GAS2: variants seen among roughly 807,000 people sequenced by gnomAD.
GAS2 encodes growth arrest-specific protein 2.
GAS2 carries 20 observed loss-of-function variants against 37.5 expected under a neutral mutation model. The observed-to-expected ratio is 0.53, with a 90% CI of 0.37 to 0.77. The LOEUF is 0.77. GAS2 is among the 30% of genes least tolerant of loss of function. GAS2 has a pLI of 0.00. For synonymous variants in GAS2, 144 were observed against 132.2 expected, an observed-to-expected ratio of 1.09 and a Z score of -0.61; for missense variants, 336 against 373.4, an observed-to-expected ratio of 0.90 and a Z score of 0.82.
In GAS2 at chr11:22,677,882, T is replaced by C. The variant is rs551760709; in HGVS notation, c.145+2868T>C. ...TTTTCCAGATCCAAAAGTCTGAGTT[T>C]TAGGAAATCCATCTCTTGAAACCCA... is the stretch of plus-strand genomic sequence containing the variant. On this transcript the variant is annotated intron_variant, in intron 2 of 7. Transcript: ENST00000454584. Among the ~76,000 whole-genome samples the C allele has an allele frequency of 1.3e-3, 193 of 152,298 alleles. 1 individual carries two copies. The highest frequency in any genetic ancestry group is 1.5e-3 in the South Asian group (7 of 4,824).
chr11:22,784,109 A>G (rs1239440094), intron 7 of GAS2, among the ~76,000 whole-genome samples: 1 of 152,010 alleles, frequency 6.6e-6, no homozygotes, highest in Non-Finnish European at 1.5e-5. Flanking sequence ...TTTGCTTAGG[A>G]TTGCTTTGGC....
intron 7 of GAS2, among the ~76,000 whole-genome samples, chr11:22,761,554 CA>C (rs1854393568): frequency 6.6e-6 from 1 of 152,068 alleles, no homozygotes; most frequent in South Asian, 2.1e-4. Context: ...TAGGGTTGTT[CA>C]AAGTGTGTTC....
chr11:22,678,636 A>AT (rs1849544088), intron 2 of GAS2, among the ~76,000 whole-genome samples: 2 of 151,802 alleles, frequency 1.3e-5, no homozygotes, highest in South Asian at 2.1e-4. Flanking sequence ...CTAAAATGTA[A>AT]TTTTTTTCCT....
At chr11:22,738,007 A>G (rs1041756343) in intron 5 of GAS2, among the ~76,000 whole-genome samples, 1 of 152,216 alleles carries the variant, frequency 6.6e-6, no homozygotes, top group Non-Finnish European at 1.5e-5. Context: ...TGCTAATAAA[A>G]TACATTTTCC....
At position 22,652,629 on chromosome 11, in the gene GAS2, T is replaced by C. The variant is rs117622646; in HGVS notation, c.-20-22221T>C. Among the ~76,000 whole-genome samples the C allele has an allele frequency of 3.8e-3, 576 of 152,328 alleles. 16 individuals carry two copies. The East Asian group carries it at 0.077, about 20-fold the overall frequency. ...TGGGGGATATAATCTCCCGGTGTGC[T>C]GTGTTTTAAGCCCGTGGGAAAAGCG... On this transcript the variant is annotated intron_variant, in intron 1 of 5. Coordinates refer to the GAS2 transcript ENST00000528582.
intron 1 of GAS2, among the ~76,000 whole-genome samples, chr11:22,658,635 A>T (rs528821114): frequency 1.3e-5 from 2 of 152,360 alleles, no homozygotes; most frequent in East Asian, 3.9e-4. Flanking sequence ...ATAAAATCTA[A>T]ATCATAATTT....
At chr11:22,683,044 G>A (rs1222706899) in intron 2 of GAS2, among the ~76,000 whole-genome samples, 1 of 152,010 alleles carries the variant, frequency 6.6e-6, no homozygotes, top group Non-Finnish European at 1.5e-5. Flanking sequence ...GGCTACCTGT[G>A]TGGTGAGTAT....
chr11:22,740,605 GT>G (rs1167217737), intron 5 of GAS2, among the ~76,000 whole-genome samples: 1 of 152,104 alleles, frequency 6.6e-6, no homozygotes, highest in Non-Finnish European at 1.5e-5. Flanking sequence ...TACATTTAAA[GT>G]TTTTTTGATT....
At position 22,812,589 on chromosome 11, in the gene GAS2, GTA is replaced by G; in HGVS notation, c.*577_*578del. 6.5e-6 allele frequency: 1 copy of G among 153,102 alleles called. No individual in the cohort carries two copies. The highest frequency in any genetic ancestry group is 1.9e-4 in the East Asian group (1 of 5,198). The allele number at this position is 153,102 out of a possible 1,614,324, so 9.5% of individuals were successfully genotyped here. On this transcript the variant is annotated 3_prime_UTR_variant, in exon 8 of 8. Transcript: ENST00000454584. ...CATTCACTTGGAAGGCTGCCTTAAA[GTA>G]TATCTCTTATCTATGACCAAATATC... is the stretch of plus-strand genomic sequence containing the variant.
chr11:22,627,142 C>T (rs1590544521), intron 1 of GAS2, among the ~76,000 whole-genome samples: 1 of 152,292 alleles, frequency 6.6e-6, no homozygotes, highest in South Asian at 2.1e-4. Context: ...GTCCTGAAAT[C>T]GTTATTTTAT....
At chr11:22,790,945 A>G (rs1377546012) in intron 7 of GAS2, among the ~76,000 whole-genome samples, 1 of 152,196 alleles carries the variant, frequency 6.6e-6, no homozygotes, top group Admixed American at 6.5e-5. Flanking sequence ...TAAAACAGCT[A>G]TATAAATGGA....
chr11:22,772,354 T>A (rs1855021738), intron 7 of GAS2, among the ~76,000 whole-genome samples: 1 of 152,208 alleles, frequency 6.6e-6, no homozygotes, highest in Non-Finnish European at 1.5e-5. Flanking sequence ...TCAAATAATA[T>A]GAGTACCTCT....
At chr11:22,737,173 A>C (rs1852799930) in intron 4 of GAS2, among the ~76,000 whole-genome samples, 1 of 152,182 alleles carries the variant, frequency 6.6e-6, no homozygotes, top group South Asian at 2.1e-4. Flanking sequence ...GGGCACATGA[A>C]GTGACAGGGT....
At chr11:22,653,141 C>T (rs1057007759) in intron 1 of GAS2, among the ~76,000 whole-genome samples, 1 of 150,476 alleles carries the variant, frequency 6.6e-6, no homozygotes. Flanking sequence ...GCCTCGTCTC[C>T]TCTCCTCTCC....
At chr11:22,762,783 A>G (rs866363504) in intron 7 of GAS2, among the ~76,000 whole-genome samples, 2 of 152,300 alleles carry the variant, frequency 1.3e-5, no homozygotes, top group Middle Eastern at 3.4e-3. Context: ...TATGTGGTCT[A>G]TCTCCTTAAT....
At chr11:22,799,628 A>G (rs923531910) in intron 7 of GAS2, among the ~76,000 whole-genome samples, 14 of 152,046 alleles carry the variant, frequency 9.2e-5, no homozygotes, top group African/African-American at 3.1e-4. Context: ...CTGAATTATC[A>G]TTCACACAGA....
intron 3 of GAS2, among the ~76,000 whole-genome samples, chr11:22,717,330 A>G (rs761458248): frequency 1.3e-5 from 2 of 152,192 alleles, no homozygotes; most frequent in Non-Finnish European, 2.9e-5. Context: ...TATATAACCC[A>G]TAAATAAAGC....
At chr11:22,793,675 G>A (rs1856290157) in intron 7 of GAS2, among the ~76,000 whole-genome samples, 1 of 151,832 alleles carries the variant, frequency 6.6e-6, no homozygotes, top group South Asian at 2.1e-4. Context: ...ATAGAAAGGG[G>A]AAGATAAAAC....
At chr11:22,662,081 A>G (rs1848922857), upstream of GAS2, among the ~76,000 whole-genome samples, 1 of 152,222 alleles carries the variant, frequency 6.6e-6, no homozygotes, top group African/African-American at 2.4e-5. Context: ...TGTGGGTCAC[A>G]ATAAAAATTT....
Sources: gnomAD v4.1 joint callset for allele counts (sites outside exome capture counted in the v4.1 genomes callset) on GRCh38, gnomAD v4.1.1 for gene constraint, MANE v1.5 for transcripts, NCBI Gene and HGNC (gene_info 2026-07-23, HGNC 2026-07-21) for gene names.